ADAM12: variants seen among roughly 807,000 people sequenced by gnomAD.
ADAM12 encodes the protein disintegrin and metalloproteinase domain-containing protein 12.
ADAM12 carries 70 observed loss-of-function variants against 106.4 expected under a neutral mutation model. The observed-to-expected ratio is 0.66, with a 90% confidence interval of 0.54 to 0.80. The LOEUF (loss-of-function observed/expected upper bound fraction) is 0.80. Among genes scored for constraint, ADAM12 ranks in the 30% least tolerant of loss-of-function variants. The probability of loss-of-function intolerance (pLI) is 0.00; values close to 1 mark genes in which losing one functional copy is unlikely to be tolerated. For missense variants in ADAM12, 1,010 were observed against 1,171.9 expected, an observed-to-expected ratio of 0.86 and a Z score of 2.02; for synonymous variants, 420 against 433.5, an observed-to-expected ratio of 0.97 and a Z score of 0.39.
At chr10:126,371,980 T>C (rs1361771050) in intron 1 of ADAM12, among the ~76,000 whole-genome samples, 1 of 152,192 alleles carries the variant, frequency 6.6e-6, no homozygotes, top group Non-Finnish European at 1.5e-5. Context: ...TATAAGTAAA[T>C]GATATTTGAA....
intron 22 of ADAM12, 46 bp from the exon 23 acceptor site, chr10:126,017,385 G>A: frequency 6.6e-7 from 1 of 1,508,602 alleles, no homozygotes; most frequent in Non-Finnish European, 9.0e-7. Flanking sequence ...ACCTTGAGAA[G>A]TGATTCTGAG....
At chr10:126,105,325 C>T (rs1955744194) in intron 8 of ADAM12, among the ~76,000 whole-genome samples, 1 of 152,264 alleles carries the variant, frequency 6.6e-6, no homozygotes, top group Non-Finnish European at 1.5e-5. Flanking sequence ...TAAAATGGGG[C>T]TTCAGCAATT....
chr10:126,180,509 C>T (rs141538316), intron 3 of ADAM12, among the ~76,000 whole-genome samples: 5 of 151,960 alleles, frequency 3.3e-5, no homozygotes, highest in African/African-American at 9.7e-5. Context: ...GAAGACAGTA[C>T]GAGAAACCTG....
At chr10:126,098,219 C>A (rs1157224960) in intron 10 of ADAM12, among the ~76,000 whole-genome samples, 197 bp downstream of exon 10, 1 of 152,176 alleles carries the variant, frequency 6.6e-6, no homozygotes, top group Non-Finnish European at 1.5e-5. Flanking sequence ...GCCCACCTTT[C>A]CTGTGTGCAA....
chr10:126,028,361 A>G (rs1204883053), intron 21 of ADAM12, among the ~76,000 whole-genome samples: 1 of 152,192 alleles, frequency 6.6e-6, no homozygotes, highest in Non-Finnish European at 1.5e-5. Context: ...AGCCAAGACA[A>G]TCCTAAGCAA....
intron 3 of ADAM12, among the ~76,000 whole-genome samples, chr10:126,185,793 A>T (rs572272333): frequency 3.9e-5 from 6 of 152,284 alleles, no homozygotes; most frequent in Non-Finnish European, 8.8e-5. Context: ...TTTTACCATC[A>T]TCATGACTGT....
chr10:126,364,017 G>T (rs530740901), intron 1 of ADAM12, among the ~76,000 whole-genome samples: 2 of 152,098 alleles, frequency 1.3e-5, no homozygotes, highest in Non-Finnish European at 2.9e-5. Context: ...ATCCATGAAT[G>T]AATATTTATA....
At chr10:126,183,189 T>C (rs1241485881) in intron 3 of ADAM12, among the ~76,000 whole-genome samples, 2 of 152,160 alleles carry the variant, frequency 1.3e-5, no homozygotes, top group Non-Finnish European at 2.9e-5. Context: ...GAAAACAAGC[T>C]CAGGGCTCCC....
intron 3 of ADAM12, among the ~76,000 whole-genome samples, chr10:126,206,024 G>A (rs1312481664): frequency 1.3e-5 from 2 of 152,116 alleles, no homozygotes; most frequent in Non-Finnish European, 2.9e-5. Context: ...GGCCTGCTTA[G>A]CTAGACTTTA....
chr10:126,045,653 TA>T (rs1954297495), intron 17 of ADAM12, among the ~76,000 whole-genome samples: 2 of 152,250 alleles, frequency 1.3e-5, no homozygotes, highest in Admixed American at 1.3e-4. Context: ...AACATGTGTT[TA>T]ATATGATCTG....
intron 4 of ADAM12, among the ~76,000 whole-genome samples, chr10:126,145,824 G>A (rs1956616148): frequency 6.6e-6 from 1 of 152,194 alleles, no homozygotes; most frequent in South Asian, 2.1e-4. Flanking sequence ...GTAAACATTT[G>A]TTGAATTAGT....
Position 126,049,910 on chromosome 10 carries a change from C to G in ADAM12, c.1610-241G>C, listed in dbSNP as rs1448007400. 6.6e-6 allele frequency among the ~76,000 whole-genome samples: 1 copy of G among 152,150 alleles called. No individual in the cohort carries two copies. The highest frequency in any genetic ancestry group is 1.5e-5 in the Non-Finnish European group (1 of 68,030). The stretch of plus-strand genomic sequence containing the variant: ...GCTTACTCTTCCTTAGGTCTGCTCT[C>G]TGGGCTTGTGGCATGTGTGGCCTCT... On this transcript the variant is annotated intron_variant, in intron 14 of 22. Coordinates refer to ENST00000448723, the MANE Select transcript of ADAM12 (RefSeq NM_001288973.2). This position sits in a 1 kb window ranked among gnomAD's most constrained non-coding sequence, Gnocchi z 4.4.
chr10:126,121,012 A>G (rs1002870294), intron 5 of ADAM12, among the ~76,000 whole-genome samples: 3 of 114,944 alleles, frequency 2.6e-5, no homozygotes, highest in African/African-American at 3.5e-5. Context: ...CATATGCAAT[A>G]TAATATATAT....
intron 9 of ADAM12, among the ~76,000 whole-genome samples, chr10:126,099,262 G>C (rs1955613781): frequency 6.6e-6 from 1 of 152,104 alleles, no homozygotes; most frequent in Admixed American, 6.5e-5. Context: ...ATGCTATCTT[G>C]GCCATGTATG....
intron 3 of ADAM12, among the ~76,000 whole-genome samples, chr10:126,238,222 G>A (rs1193558190): frequency 6.6e-6 from 1 of 152,236 alleles, no homozygotes; most frequent in Non-Finnish European, 1.5e-5. Context: ...GCTCACGCCT[G>A]TAATCTCACC....
intron 3 of ADAM12, among the ~76,000 whole-genome samples, chr10:126,165,263 G>C (rs1283469617): frequency 6.6e-6 from 1 of 152,118 alleles, no homozygotes; most frequent in African/African-American, 2.4e-5. Flanking sequence ...TACCTCCCAA[G>C]CTCAGGCAAT....
At chr10:126,285,975 AT>A (rs55733951) in intron 2 of ADAM12, among the ~76,000 whole-genome samples, 6,923 of 142,024 alleles carry the variant, frequency 0.049, 171 homozygotes, top group African/African-American at 0.087. Flanking sequence ...TGATTTCCCT[AT>A]TTTTTTTTTT....
chr10:126,029,539 T>A (rs992200760), intron 21 of ADAM12, among the ~76,000 whole-genome samples: 2 of 152,096 alleles, frequency 1.3e-5, no homozygotes, highest in Admixed American at 1.3e-4. Flanking sequence ...AGCTGAATGA[T>A]GAGAACACAT....
chr10:126,095,455 A>T (rs1051611935), intron 10 of ADAM12, among the ~76,000 whole-genome samples: 1 of 138,732 alleles, frequency 7.2e-6, no homozygotes, highest in African/African-American at 2.6e-5. Flanking sequence ...AATGGCGTGA[A>T]CCCGGGAGGC....
Sources: gnomAD v4.1 joint callset for allele counts (sites outside exome capture counted in the v4.1 genomes callset) on GRCh38, gnomAD v4.1.1 for gene constraint, Gnocchi (gnomAD v3.1) non-coding constraint, MANE v1.5 for transcripts, NCBI Gene and HGNC (gene_info 2026-07-23, HGNC 2026-07-21) for gene names.